Variants in CATIP observed in about 807,000 individuals in gnomAD.
The protein encoded by CATIP is ciliogenesis associated TTC17 interacting protein.
A neutral mutation model predicts 42.5 loss-of-function variants in CATIP; 40 were observed. That is an observed-to-expected ratio of 0.94 (90% CI 0.73 to 1.22). CATIP has a LOEUF of 1.22. Ranked by LOEUF, CATIP falls within the 50% of genes most tolerant of loss-of-function variation. The pLI, the probability that CATIP is intolerant of heterozygous loss-of-function variation, is 0.00. For missense variants in CATIP, 489 were observed against 496.0 expected (o/e 0.99, Z 0.13); for synonymous variants, 222 against 200.2 (o/e 1.11, Z -0.92).
In CATIP at chr2:218,360,740, A is replaced by G. The variant is rs1474605214; in HGVS notation, c.462+81A>G. On this transcript the variant is annotated intron_variant, in intron 5 of 9. Transcript: ENST00000289388. ...GAGACAGGTCCAGATCAATTTAGAG[A>G]GTTTATTTTGCCAAGGTTAAGGACG... 6 of 1,151,184 alleles carry G rather than the reference A, an allele frequency of 5.2e-6. No homozygotes were observed. The Admixed American group carries it at 1.2e-4, about 23-fold the overall frequency. 71.3% of individuals were successfully genotyped at this position (1,151,184 alleles called of 1,614,324 possible).
At chr2:218,364,088 T>C (rs1695335777) in intron 6 of CATIP, among the ~76,000 whole-genome samples, 1 of 152,216 alleles carries the variant, frequency 6.6e-6, no homozygotes, top group South Asian at 2.1e-4. Flanking sequence ...TCCAGGCTTG[T>C]CTATCAAAAC....
intron 6 of CATIP, 105 bp from the exon 7 acceptor site, chr2:218,364,523 G>A (rs1695355841): frequency 2.0e-6 from 3 of 1,476,602 alleles, no homozygotes; most frequent in Non-Finnish European, 1.8e-6. Context: ...AATATTAAAT[G>A]TCTTGAGGTT....
At position 218,360,645 on chromosome 2, in the gene CATIP, A is replaced by G. The variant is rs1371162321; in HGVS notation, c.448A>G (p.Ile150Val). The part of the protein sequence containing the change: ...QDDQLAVTRS[I>V]KEGEEVKTGV... ...TGATCAGCTGGCTGTGACCAGAAGT[A>G]TCAAGGAGGGTGAGGTAAGGATGAG... The change falls in exon 5 of 10, where the codon ATC becomes GTC. Residue 150 changes from isoleucine (I) to valine (V), a missense_variant. Transcript: ENST00000289388. The G allele has an allele frequency of 6.2e-7, 1 of 1,613,792 alleles. No individual in the cohort carries two copies. The highest frequency in any genetic ancestry group is 1.7e-5 in the Admixed American group (1 of 60,008).
At chr2:218,365,300 G>C (rs796331297) in intron 7 of CATIP, among the ~76,000 whole-genome samples, 7 of 152,098 alleles carry the variant, frequency 4.6e-5, no homozygotes, top group Admixed American at 2.0e-4. Context: ...TGTAGTCCCA[G>C]CTACTCTGGA....
Position 218,357,197 on chromosome 2 carries a change from G to A in CATIP, c.118+10G>A, listed in dbSNP as rs750280422. On this transcript the variant is annotated intron_variant, in intron 2 of 9. Transcript: ENST00000289388. ...TTCCTCAGCTCCCTCCGTGAGCTCA[G>A]ACAGTGTCGGGGTTGGGGGTGCGGG... The A allele has an allele frequency of 1.9e-6, 3 of 1,609,136 alleles. No homozygotes were observed. Among genetic ancestry groups the A allele is most frequent in the Non-Finnish European group, 1.7e-6 (2 of 1,176,502 alleles).
intron 7 of CATIP, chr2:218,366,803 C>A: frequency 1.9e-6 from 1 of 539,236 alleles, no homozygotes; most frequent in East Asian, 3.4e-5. Context: ...GCCTTTCTTC[C>A]GTGCATGAGT....
intron 4 of CATIP, 122 bp downstream of exon 4, chr2:218,358,214 C>T: frequency 1.3e-6 from 1 of 772,788 alleles, no homozygotes; most frequent in South Asian, 1.7e-5. Context: ...TGAAGAATAG[C>T]AATCGTGTTA....
At chr2:218,363,289 G>C (rs557704991) in intron 6 of CATIP, among the ~76,000 whole-genome samples, 1 of 148,494 alleles carries the variant, frequency 6.7e-6, no homozygotes, top group South Asian at 2.1e-4. Context: ...GACCATCCTG[G>C]CTAACATGGT....
At chr2:218,365,337 C>T (rs772197695) in intron 7 of CATIP, among the ~76,000 whole-genome samples, 5 of 151,794 alleles carry the variant, frequency 3.3e-5, no homozygotes, top group Admixed American at 6.6e-5. Context: ...TGGCGTGAAC[C>T]CAGGAGGCAG....
rs771470346 is a variant in CATIP at position 218,367,727 on chromosome 2, G to T, written c.927G>T (p.Glu309Asp). The change falls in exon 10 of 10, where the codon GAG becomes GAT. Residue 309 changes from glutamate (E) to aspartate (D), a missense_variant. By Grantham distance (45) the Glu-to-Asp change is conservative. Transcript: ENST00000289388. ...CGGGCTCTGTCCCCTGCCAGGAGGAGCTCCGGCTCGGCCACGCCAGCTATC... is the reference window on the plus strand; with the variant it reads ...CGGGCTCTGTCCCCTGCCAGGAGGATCTCCGGCTCGGCCACGCCAGCTATC... ...LYSKFLDRKEELRLGHASYLR... is the reference protein window; with the variant it reads ...LYSKFLDRKEDLRLGHASYLR... 4 of 1,595,768 alleles carry T rather than the reference G, an allele frequency of 2.5e-6. No homozygotes were observed. Among genetic ancestry groups the T allele is most frequent in the Non-Finnish European group, 3.4e-6 (4 of 1,174,644 alleles).
In CATIP at chr2:218,360,721, G is replaced by C. The variant is rs565057458; in HGVS notation, c.462+62G>C. ...CTGTGAACCCAGAATATCTGAGACA[G>C]GTCCAGATCAATTTAGAGAGTTTAT... On this transcript the variant is annotated intron_variant, in intron 5 of 9. Coordinates refer to ENST00000289388, the MANE Select transcript of CATIP (RefSeq NM_198559.2). 18 of 1,268,586 alleles carry C rather than the reference G, an allele frequency of 1.4e-5. No individual in the cohort carries two copies. The Admixed American group carries it at 2.4e-4, about 17-fold the overall frequency. 78.6% of individuals were successfully genotyped at this position (1,268,586 alleles called of 1,614,324 possible).
rs1168371696 is a variant in CATIP at position 218,363,501 on chromosome 2, A to AC, written c.630+599_630+600insC. 2.5e-3 allele frequency among the ~76,000 whole-genome samples: 358 copies of AC among 140,746 alleles called. 4 individuals carry two copies. Among genetic ancestry groups the AC allele is most frequent in the African/African-American group, 8.5e-3 (318 of 37,514 alleles). The allele number at this position is 140,746 out of a possible 152,430, so 92.3% of individuals were successfully genotyped here. A position where few individuals can be genotyped will look rare whatever the true frequency, so the allele number is the denominator to read the frequency against. On this transcript the variant is annotated intron_variant, in intron 6 of 9. Transcript: ENST00000289388. ...ACTCTGTCTCAAAAAAAAAAAACAAAAAAAAAAAAACGTCATTTTGGCCAG... is the reference window on the plus strand; with the variant it reads ...ACTCTGTCTCAAAAAAAAAAAACAAACAAAAAAAAAACGTCATTTTGGCCAG...
chr2:218,357,848 A>G, intron 3 of CATIP, 114 bp downstream of exon 3: 1 of 1,227,132 alleles, frequency 8.1e-7, no homozygotes, highest in South Asian at 1.2e-5. Flanking sequence ...TTGGACCAGG[A>G]CAAGGCACGG....
rs557608229 is a variant in CATIP, at chr2:218,364,546, A to T, written c.631-82A>T. ...ATGTCTTGAGGTTGTTATGAGATGG[A>T]GAAAAGGCTAAGGTAAGATGATGGG... On this transcript the variant is annotated intron_variant, in intron 6 of 9. Transcript: ENST00000289388. The T allele has an allele frequency of 6.7e-5, 103 of 1,545,770 alleles. No homozygotes were observed. In the Middle Eastern group the frequency reaches 1.2e-3, roughly 18 times the overall value.
Position 218,367,421 on chromosome 2 carries a change from C to T in CATIP, c.833-9C>T, listed in dbSNP as rs1695490733. ...TAGGGACGCCCAGCCTTCCTTGTTCCCCACCTAGATGAGATTGAGCCACGC... is the reference window on the plus strand; with the variant it reads ...TAGGGACGCCCAGCCTTCCTTGTTCTCCACCTAGATGAGATTGAGCCACGC... On this transcript the variant is annotated splice_polypyrimidine_tract_variant and intron_variant, in intron 8 of 9. Coordinates refer to ENST00000289388, the MANE Select transcript of CATIP (RefSeq NM_198559.2). 2 of 1,613,824 alleles carry T rather than the reference C, an allele frequency of 1.2e-6. No individual in the cohort carries two copies. Among genetic ancestry groups the T allele is most frequent in the Non-Finnish European group, 1.7e-6 (2 of 1,179,746 alleles).
intron 3 of CATIP, 69 bp downstream of exon 3, chr2:218,357,803 G>T (rs1695088277): frequency 6.6e-7 from 1 of 1,511,190 alleles, no homozygotes. Flanking sequence ...CCAATTCCTA[G>T]AATCTTTTTT....
At chr2:218,367,307 C>A (rs1695484068) in intron 8 of CATIP, 123 bp from the exon 9 acceptor site, 6 of 961,092 alleles carry the variant, frequency 6.2e-6, no homozygotes, top group Middle Eastern at 2.8e-4. Context: ...TGCAACTCTG[C>A]CCATGTGGGC....
At chr2:218,366,834 T>C (rs1010575315) in intron 7 of CATIP, 190 bp from the exon 8 acceptor site, 17 of 605,114 alleles carry the variant, frequency 2.8e-5, no homozygotes, top group Non-Finnish European at 3.9e-5. Context: ...CTCTCTGGCA[T>C]CACCCTTTTC....
At chr2:218,362,467 G>A (rs57650136) in intron 5 of CATIP, among the ~76,000 whole-genome samples, 3,350 of 151,634 alleles carry the variant, frequency 0.022, 117 homozygotes, top group African/African-American at 0.076. Context: ...GGTGAAATCC[G>A]GTCTCTACTA....
Sources: gnomAD v4.1 joint callset for allele counts (sites outside exome capture counted in the v4.1 genomes callset) on GRCh38, gnomAD v4.1.1 for gene constraint, MANE v1.5 for transcripts, NCBI Gene and HGNC (gene_info 2026-07-23, HGNC 2026-07-21) for gene names.